Variants in NFATC2IP observed in about 807,000 individuals in gnomAD.
NFATC2IP encodes NFATC2-interacting protein.
A neutral mutation model predicts 40.2 loss-of-function variants in NFATC2IP; 25 were observed. The ratio of observed to expected loss-of-function variants is 0.62; its 90% CI spans 0.45 to 0.87. NFATC2IP has a LOEUF of 0.87. NFATC2IP is among the 40% of genes least tolerant of loss of function. The probability of loss-of-function intolerance (pLI) is 0.00; values close to 1 mark genes in which losing one functional copy is unlikely to be tolerated. For synonymous variants in NFATC2IP, 241 were observed against 236.3 expected (o/e 1.02, Z -0.18); for missense variants, 553 against 555.6 (o/e 1.00, Z 0.05).
chr16:28,962,664 A>G (rs1482561223), intron 7 of NFATC2IP, among the ~76,000 whole-genome samples: 1 of 152,194 alleles, frequency 6.6e-6, no homozygotes, highest in East Asian at 1.9e-4. Context: ...ACTCTTTCCC[A>G]GGGATTTTAG....
chr16:28,963,650 G>T, intron 7 of NFATC2IP, 55 bp from the exon 8 acceptor site: 1 of 1,546,416 alleles, frequency 6.5e-7, no homozygotes, highest in Non-Finnish European at 8.9e-7. Flanking sequence ...CTATCCCTAC[G>T]GGATCCCCGC....
chr16:28,962,960 G>GCAC (rs1965103235), intron 7 of NFATC2IP, among the ~76,000 whole-genome samples: 1 of 152,210 alleles, frequency 6.6e-6, no homozygotes, highest in African/African-American at 2.4e-5. Context: ...AAAGTGGGTG[G>GCAC]CTTATCTGAA....
intron 7 of NFATC2IP, 93 bp downstream of exon 7, chr16:28,959,193 T>C: frequency 1.3e-6 from 1 of 786,092 alleles, no homozygotes; most frequent in South Asian, 1.6e-5. Flanking sequence ...ATTCCCCTAA[T>C]CTTGACTTGC....
chr16:28,958,932 C>T, intron 6 of NFATC2IP, 59 bp from the exon 7 acceptor site: 1 of 1,603,838 alleles, frequency 6.2e-7, no homozygotes, highest in South Asian at 1.1e-5. Flanking sequence ...AGAGGTTCAG[C>T]ACGGGCCCTG....
chr16:28,954,806 G>A, intron 3 of NFATC2IP, 124 bp downstream of exon 3: 1 of 615,368 alleles, frequency 1.6e-6, no homozygotes, highest in Non-Finnish European at 2.9e-6. Flanking sequence ...GGACTGTTGA[G>A]TTTCATGTGG....
At chr16:28,962,730 A>G (rs191302073) in intron 7 of NFATC2IP, among the ~76,000 whole-genome samples, 42 of 152,344 alleles carry the variant, frequency 2.8e-4, no homozygotes, top group African/African-American at 8.4e-4. Context: ...AACATCACGC[A>G]GTCCCTCAGG....
intron 3 of NFATC2IP, 90 bp from the exon 4 acceptor site, chr16:28,955,888 T>G: frequency 9.5e-7 from 1 of 1,054,568 alleles, no homozygotes; most frequent in Non-Finnish European, 1.5e-6. Context: ...TGCGTCCGAC[T>G]ATGCTTGATT....
At chr16:28,959,154 T>C in intron 7 of NFATC2IP, 54 bp downstream of exon 7, 1 of 1,079,390 alleles carries the variant, frequency 9.3e-7, no homozygotes, top group Non-Finnish European at 1.4e-6. Context: ...TGCTGCCTCT[T>C]GTCTCTCTTG....
intron 2 of NFATC2IP, among the ~76,000 whole-genome samples, chr16:28,954,057 T>C (rs1964993700): frequency 1.3e-5 from 2 of 152,196 alleles, no homozygotes; most frequent in African/African-American, 4.8e-5. Context: ...AACTGTCCTG[T>C]GCATTGTAGA....
chr16:28,953,120 G>A (rs1355934422), intron 2 of NFATC2IP, among the ~76,000 whole-genome samples: 1 of 151,922 alleles, frequency 6.6e-6, no homozygotes, highest in Non-Finnish European at 1.5e-5. Context: ...TGTCACCCAG[G>A]GTGGAGTGTA....
rs1216282031 is a variant in NFATC2IP at position 28,965,598 on chromosome 16, C to T, written c.*1735C>T. Reference sequence around the variant, plus strand: ...GTCCCAGCTACTCTGGAGGCTGAGGCAGGGGAATCGCTTAAACCCAGGAGG... The same window carrying T: ...GTCCCAGCTACTCTGGAGGCTGAGGTAGGGGAATCGCTTAAACCCAGGAGG... On this transcript the variant is annotated 3_prime_UTR_variant, in exon 8 of 8. Transcript: ENST00000320805. The T allele has an allele frequency of 6.6e-6, 1 of 152,006 alleles. No individual in the cohort carries two copies. The highest frequency in any genetic ancestry group is 1.5e-5 in the Non-Finnish European group (1 of 68,042). The allele number at this position is 152,006 out of a possible 1,614,324, so 9.4% of individuals were successfully genotyped here.
rs1158861527 is a variant in NFATC2IP at position 28,958,769 on chromosome 16, C to A, written c.899C>A (p.Ser300Tyr). 32 of 1,613,830 alleles carry A rather than the reference C, an allele frequency of 2.0e-5. No individual in the cohort carries two copies. The highest frequency in any genetic ancestry group is 2.6e-5 in the Non-Finnish European group (31 of 1,179,864). The change falls in exon 6 of 8, where the codon TCC (serine) becomes TAC (tyrosine). Residue 300 changes from serine to tyrosine, a missense_variant. Coordinates refer to ENST00000320805, the MANE Select transcript of NFATC2IP (RefSeq NM_032815.4). ...VDHMATHLGV[S>Y]PSRILLLFGE... The stretch of plus-strand genomic sequence containing the variant: ...CACATGGCCACCCACCTTGGGGTGT[C>A]CCCAAGCAGGATCCTTTTGCTTTTT...
chr16:28,961,136 C>T (rs1185523262), intron 7 of NFATC2IP, among the ~76,000 whole-genome samples: 5 of 151,544 alleles, frequency 3.3e-5, no homozygotes, highest in Non-Finnish European at 5.9e-5. Context: ...AAGACCAGCC[C>T]GGGCAACATA....
chr16:28,965,855 G>C lies in NFATC2IP; in HGVS notation c.*1992G>C, dbSNP rs1415051248. ...GGATCACTTGAGGCCAGGAGTTCAAGACCACCCTGACCAACTTGGTGAAAT... is the reference window on the plus strand; with the variant it reads ...GGATCACTTGAGGCCAGGAGTTCAACACCACCCTGACCAACTTGGTGAAAT... On this transcript the variant is annotated 3_prime_UTR_variant, in exon 8 of 8. Transcript: ENST00000320805. 1 of 151,946 alleles carries C rather than the reference G, an allele frequency of 6.6e-6. No homozygotes were observed. Among genetic ancestry groups the C allele is most frequent in the Non-Finnish European group, 1.5e-5 (1 of 68,008 alleles). The allele number at this position is 151,946 out of a possible 1,614,324, so 9.4% of individuals were successfully genotyped here. A position where few individuals can be genotyped will look rare whatever the true frequency, so the allele number is the denominator to read the frequency against.
In NFATC2IP at chr16:28,956,230, G is replaced by A. The variant is rs1244074797; in HGVS notation, c.739G>A (p.Glu247Lys). Reference sequence around the variant, plus strand: ...TCAGGGTCAAGAGCAACAGGGCCAAGAGGATGAAGTGGTCTTGGTGGAAGG... The same window carrying A: ...TCAGGGTCAAGAGCAACAGGGCCAAAAGGATGAAGTGGTCTTGGTGGAAGG... The part of the protein sequence containing the change: ...PPQGQEQQGQ[E>K]DEVVLVEGPT... Residue 247 changes from glutamate to lysine, a missense_variant, in exon 5 of 8, where the codon GAG becomes AAG. By Grantham distance (56) the Glu-to-Lys change is moderately conservative. Coordinates refer to ENST00000320805, the MANE Select transcript of NFATC2IP (RefSeq NM_032815.4). The A allele has an allele frequency of 6.2e-7, 1 of 1,613,998 alleles. No homozygotes were observed. The highest frequency in any genetic ancestry group is 8.5e-7 in the Non-Finnish European group (1 of 1,180,034).
In NFATC2IP at chr16:28,964,153, A is replaced by C; in HGVS notation, c.*290A>C. 2.7e-6 allele frequency: 1 copy of C among 371,884 alleles called. No individual in the cohort carries two copies. Among genetic ancestry groups the C allele is most frequent in the Non-Finnish European group, 5.0e-6 (1 of 200,216 alleles). The allele number at this position is 371,884 out of a possible 1,614,324, so 23.0% of individuals were successfully genotyped here. On this transcript the variant is annotated 3_prime_UTR_variant, in exon 8 of 8. Transcript: ENST00000320805. ...GTCCCTTCACCCCTCCCCTTTCACC[A>C]CCATCCTCTTTTCCTCATGGAAATG... is the stretch of plus-strand genomic sequence containing the variant.
Position 28,951,299 on chromosome 16 carries a change from C to T in NFATC2IP, c.288C>T (p.Asp96=). The T allele has an allele frequency of 7.0e-6, 10 of 1,427,132 alleles. No individual in the cohort carries two copies. The highest frequency in any genetic ancestry group is 9.2e-6 in the Non-Finnish European group (10 of 1,086,608). 88.4% of individuals were successfully genotyped at this position (1,427,132 alleles called of 1,614,324 possible). Residue 96 remains aspartate, a synonymous_variant, in exon 1 of 8, where the codon GAC becomes GAT. Transcript: ENST00000320805. ...GCAACAGTGACAGCGAAGGGGAGGA[C>T]AGGCGGCCCGCAGGACCCCCGCGGG... ...DNSNSDSEGE[D]RRPAGPPREP... is the part of the protein sequence containing the mutation.
chr16:28,960,544 C>T (rs1430047802), intron 7 of NFATC2IP, among the ~76,000 whole-genome samples: 1 of 152,208 alleles, frequency 6.6e-6, no homozygotes, highest in Non-Finnish European at 1.5e-5. Context: ...ATTCCTCTCT[C>T]TCTCTCTCTG....
Position 28,958,708 on chromosome 16 carries a change from C to T in NFATC2IP, c.847-9C>T. 1 of 1,603,046 alleles carries T rather than the reference C, an allele frequency of 6.2e-7. No individual in the cohort carries two copies. Among genetic ancestry groups the T allele is most frequent in the Non-Finnish European group, 8.5e-7 (1 of 1,175,130 alleles). On this transcript the variant is annotated splice_polypyrimidine_tract_variant and intron_variant, in intron 5 of 7. Transcript: ENST00000320805. ...GAAGACCTCTTTTGCTTGTTGTCCC[C>T]ATCCCTAGTCGGAGCCCCTGCAGAG... is the stretch of plus-strand genomic sequence containing the variant.
Sources: allele counts gnomAD v4.1 joint callset (sites outside exome capture counted in the v4.1 genomes callset), GRCh38; gene constraint gnomAD v4.1.1; transcripts MANE v1.5; gene names NCBI Gene and HGNC (gene_info 2026-07-23, HGNC 2026-07-21).